ZBTB24: variants seen among roughly 807,000 people sequenced by gnomAD.
The protein encoded by ZBTB24 is zinc finger and BTB domain-containing protein 24.
A neutral mutation model predicts 53.8 loss-of-function variants in ZBTB24; 32 were observed. The ratio of observed to expected loss-of-function variants is 0.60; its 90% confidence interval spans 0.45 to 0.80. ZBTB24 has a LOEUF of 0.80. Ranked by LOEUF, ZBTB24 falls within the 30% of genes least tolerant of loss-of-function variation. The pLI, the probability that ZBTB24 is intolerant of heterozygous loss-of-function variation, is 0.00. For missense variants in ZBTB24, 722 were observed against 837.1 expected, an observed-to-expected ratio of 0.86 and a Z score of 1.70; for synonymous variants, 297 against 306.7, an observed-to-expected ratio of 0.97 and a Z score of 0.33.
intron 2 of ZBTB24, among the ~76,000 whole-genome samples, chr6:109,478,498 A>G (rs1776326087): frequency 6.6e-6 from 1 of 152,184 alleles, no homozygotes; most frequent in South Asian, 2.1e-4. Flanking sequence ...CCTGACTCTC[A>G]GTGTGATCTG....
rs774995879 is a variant in ZBTB24 at position 109,481,671 on chromosome 6, T to C, written c.356A>G (p.Tyr119Cys). The C allele has an allele frequency of 2.8e-5, 45 of 1,614,130 alleles. No homozygotes were observed. The highest frequency in any genetic ancestry group is 2.9e-5 in the Non-Finnish European group (34 of 1,180,056). ...GTCTGTGTAAGCCTTTACCAGGTCATAGACTTTTAAGAACTGAGCAGTAGC... is the reference window on the plus strand; with the variant it reads ...GTCTGTGTAAGCCTTTACCAGGTCACAGACTTTTAAGAACTGAGCAGTAGC... ...ILATAQFLKV[Y>C]DLVKAYTDFQ... The change falls in exon 2 of 7, where the codon TAT (tyrosine) becomes TGT (cysteine). Residue 119 changes from tyrosine (Y) to cysteine (C), a missense_variant. Transcript: ENST00000230122.
At chr6:109,478,421 C>T (rs1776324163) in intron 2 of ZBTB24, among the ~76,000 whole-genome samples, 1 of 152,138 alleles carries the variant, frequency 6.6e-6, no homozygotes, top group Admixed American at 6.5e-5. Context: ...TAACTGGTTA[C>T]AGAAATAAAA....
At position 109,466,013 on chromosome 6, in the gene ZBTB24, T is replaced by C. The variant is rs751242825; in HGVS notation, c.1932A>G (p.Thr644=). ...CTTGATGGGCATGAAGATGTTCCAGTGTTTCCTTGGACAGAGTGATCACGT... is the reference window on the plus strand; with the variant it reads ...CTTGATGGGCATGAAGATGTTCCAGCGTTTCCTTGGACAGAGTGATCACGT... ...PVHVITLSKE[T]LEHLHAHQEQ... Residue 644 remains threonine, a synonymous_variant, in exon 7 of 7, where the codon ACA becomes ACG. Transcript: ENST00000230122. The C allele has an allele frequency of 3.5e-5, 57 of 1,614,106 alleles. No homozygotes were observed. Among genetic ancestry groups the C allele is most frequent in the Non-Finnish European group, 4.4e-5 (52 of 1,180,054 alleles).
rs1776421193 is a variant in ZBTB24, at chr6:109,481,729, G to A, written c.298C>T (p.His100Tyr). Residue 100 changes from histidine to tyrosine, a missense_variant, in exon 2 of 7, where the codon CAT becomes TAT. His to Tyr is a moderately conservative substitution (Grantham distance 83). Coordinates refer to ENST00000230122, the MANE Select transcript of ZBTB24 (RefSeq NM_014797.3). ...LLEFIYTGYL[H>Y]ASEKSTEQIL... is the part of the protein sequence containing the mutation. ...TGTTCTGTACTTTTCTCACTGGCATGGAGATAACCTGTGTAGATAAATTCC... is the reference window on the plus strand; with the variant it reads ...TGTTCTGTACTTTTCTCACTGGCATAGAGATAACCTGTGTAGATAAATTCC... 1 of 1,614,094 alleles carries A rather than the reference G, an allele frequency of 6.2e-7. No homozygotes were observed. The highest frequency in any genetic ancestry group is 1.7e-5 in the Admixed American group (1 of 60,006).
At chr6:109,470,241 G>A (rs1776137873) in intron 5 of ZBTB24, among the ~76,000 whole-genome samples, 2 of 152,192 alleles carry the variant, frequency 1.3e-5, no homozygotes, top group African/African-American at 4.8e-5. Flanking sequence ...GTTCCACCCA[G>A]GGTGATGTCA....
intron 1 of ZBTB24, 35 bp from the exon 2 acceptor site, chr6:109,482,089 G>A (rs887597580): frequency 2.0e-5 from 29 of 1,474,720 alleles, no homozygotes; most frequent in Non-Finnish European, 2.7e-5. Context: ...AAAGGAGAAA[G>A]CACTGTCTAA....
At chr6:109,482,200 C>G (rs1465821150) in intron 1 of ZBTB24, 146 bp from the exon 2 acceptor site, 1 of 714,886 alleles carries the variant, frequency 1.4e-6, no homozygotes, top group African/African-American at 1.8e-5. Context: ...GCTCTGGGCC[C>G]GGGCGCAGTG....
chr6:109,481,963 T>A lies in ZBTB24; in HGVS notation c.64A>T (p.Thr22Ser), dbSNP rs1459482324. ...TGATCCTCAAAACTGGCCAGCACAG[T>A]GTCACTGTGAGCGTCTGAGTGTACA... is the stretch of plus-strand genomic sequence containing the variant. The part of the protein sequence containing the change: ...LVVHSDAHSD[T>S]VLASFEDQRK... Residue 22 changes from threonine (T) to serine (S), a missense_variant, in exon 2 of 7, where the codon ACT becomes TCT. By Grantham distance (58) the Thr-to-Ser change is moderately conservative. Coordinates refer to ENST00000230122, the MANE Select transcript of ZBTB24 (RefSeq NM_014797.3). 1 of 1,614,220 alleles carries A rather than the reference T, an allele frequency of 6.2e-7. No homozygotes were observed. Among genetic ancestry groups the A allele is most frequent in the East Asian group, 2.2e-5 (1 of 44,884 alleles).
chr6:109,467,545 C>A, intron 6 of ZBTB24, 108 bp downstream of exon 6: 1 of 1,583,694 alleles, frequency 6.3e-7, no homozygotes, highest in Non-Finnish European at 8.6e-7. Flanking sequence ...ACACAAAATT[C>A]TGCAAAGTAA....
rs1775981053 is a variant in ZBTB24 at position 109,464,324 on chromosome 6, A to G, written c.*1527T>C. The G allele has an allele frequency of 6.6e-6, 1 of 152,188 alleles. No individual in the cohort carries two copies. The highest frequency in any genetic ancestry group is 1.5e-5 in the Non-Finnish European group (1 of 68,032). 9.4% of individuals were successfully genotyped at this position (152,188 alleles called of 1,614,324 possible). The stretch of plus-strand genomic sequence containing the variant: ...TTCTCTCAAACCTGAAGAATTCTCT[A>G]TTACTCTAACCTCCAAATAACTTAT... On this transcript the variant is annotated 3_prime_UTR_variant, in exon 7 of 7. Transcript: ENST00000230122.
intron 2 of ZBTB24, among the ~76,000 whole-genome samples, chr6:109,478,898 A>G (rs1388362993): frequency 1.3e-5 from 2 of 152,098 alleles, no homozygotes; most frequent in African/African-American, 4.8e-5. Context: ...TCATAGAGGT[A>G]AGATAATACA....
At chr6:109,469,126 A>G (rs1488478758) in intron 5 of ZBTB24, among the ~76,000 whole-genome samples, 1 of 152,208 alleles carries the variant, frequency 6.6e-6, no homozygotes, top group Non-Finnish European at 1.5e-5. Context: ...ATGAATCTGC[A>G]TCTTTGCATC....
chr6:109,466,006 G>C lies in ZBTB24; in HGVS notation c.1939C>G (p.His647Asp). ...VITLSKETLE[H>D]LHAHQEQTEE... ...GTTTGCTCTTGATGGGCATGAAGAT[G>C]TTCCAGTGTTTCCTTGGACAGAGTG... Residue 647 changes from histidine to aspartate, a missense_variant, in exon 7 of 7, where the codon CAT becomes GAT. His to Asp is a moderately conservative substitution (Grantham distance 81). Transcript: ENST00000230122. 1 of 1,614,224 alleles carries C rather than the reference G, an allele frequency of 6.2e-7. No homozygotes were observed. Among genetic ancestry groups the C allele is most frequent in the Non-Finnish European group, 8.5e-7 (1 of 1,180,044 alleles).
At chr6:109,472,101 A>G (rs1439079876) in intron 5 of ZBTB24, among the ~76,000 whole-genome samples, 1 of 152,192 alleles carries the variant, frequency 6.6e-6, no homozygotes, top group Non-Finnish European at 1.5e-5. Context: ...TAAGAGATGA[A>G]GTCTTGGTTT....
In ZBTB24 at chr6:109,481,520, A is replaced by G; in HGVS notation, c.507T>C (p.Asn169=). The G allele has an allele frequency of 6.2e-7, 1 of 1,614,036 alleles. No individual in the cohort carries two copies. ...GTTCTGATTTCTCCTCCTGCAATGT[A>G]TTGACTTTTTTTGGTCTTCCCCGTT... is the stretch of plus-strand genomic sequence containing the variant. ...KRKRGRPKKV[N]TLQEEKSELA... Residue 169 remains asparagine, a synonymous_variant, in exon 2 of 7, where the codon AAT becomes AAC. Transcript: ENST00000230122.
At chr6:109,469,641 A>T (rs1036640773) in intron 5 of ZBTB24, among the ~76,000 whole-genome samples, 1 of 152,352 alleles carries the variant, frequency 6.6e-6, no homozygotes, top group East Asian at 1.9e-4. Flanking sequence ...GACCATCAAT[A>T]AAGTACACAG....
intron 5 of ZBTB24, among the ~76,000 whole-genome samples, chr6:109,473,418 C>T (rs1046744619): frequency 2.0e-5 from 3 of 152,156 alleles, no homozygotes; most frequent in African/African-American, 4.8e-5. Context: ...CTCTCCTGGA[C>T]ATCTTCAATG....
Position 109,482,012 on chromosome 6 carries a change from C to A in ZBTB24, c.15G>T (p.Ser5=), listed in dbSNP as rs751094588. The A allele has an allele frequency of 2.2e-5, 35 of 1,613,986 alleles. No homozygotes were observed. The highest frequency in any genetic ancestry group is 1.1e-4 in the African/African-American group (8 of 74,900). The change falls in exon 2 of 7, where the codon TCG becomes TCT. Residue 5 remains serine (S), a synonymous_variant. Transcript: ENST00000230122. The part of the protein sequence containing the change: MAET[S]PEPSGQLVVH... Reference sequence around the variant, plus strand: ...CAACAAGCTGCCCAGAAGGCTCTGGCGATGTTTCTGCCATTTTCTTCAGAA... The same window carrying A: ...CAACAAGCTGCCCAGAAGGCTCTGGAGATGTTTCTGCCATTTTCTTCAGAA...
Position 109,481,122 on chromosome 6 carries a change from A to C in ZBTB24, c.905T>G (p.Val302Gly). 1 of 1,614,144 alleles carries C rather than the reference A, an allele frequency of 6.2e-7. No homozygotes were observed. Among genetic ancestry groups the C allele is most frequent in the Non-Finnish European group, 8.5e-7 (1 of 1,180,026 alleles). The change falls in exon 2 of 7, where the codon GTC becomes GGC. Residue 302 changes from valine (V) to glycine (G), a missense_variant. Coordinates refer to ENST00000230122, the MANE Select transcript of ZBTB24 (RefSeq NM_014797.3). ...TGCTAAAAAGTGATTGTACTTAAAG[A>C]CCTTGCCACAGTCTTTACAGCGGGC... is the stretch of plus-strand genomic sequence containing the variant. ...PEARCKDCGK[V>G]FKYNHFLAIH...
Sources: allele counts gnomAD v4.1 joint callset (sites outside exome capture counted in the v4.1 genomes callset), GRCh38; gene constraint gnomAD v4.1.1; transcripts MANE v1.5; gene names NCBI Gene and HGNC (gene_info 2026-07-23, HGNC 2026-07-21).